Variants in TTL observed in about 807,000 individuals in gnomAD.
TTL encodes the protein tubulin--tyrosine ligase.
A neutral mutation model predicts 41.1 loss-of-function variants in TTL; 10 were observed. The ratio of observed to expected loss-of-function variants is 0.24; its 90% CI spans 0.15 to 0.41. The LOEUF (loss-of-function observed/expected upper bound fraction) is 0.41. Among genes scored for constraint, TTL ranks in the 10% least tolerant of loss-of-function variants. TTL has a pLI of 1.00. For synonymous variants in TTL, 175 were observed against 175.5 expected, an observed-to-expected ratio of 1.00 and a Z score of 0.02; for missense variants, 367 against 460.4, an observed-to-expected ratio of 0.80 and a Z score of 1.86.
intron 5 of TTL, among the ~76,000 whole-genome samples, chr2:112,517,953 C>CT (rs113571938): frequency 0.16 from 24,293 of 147,986 alleles, 2,186 homozygotes; most frequent in East Asian, 0.29. Context: ...CTGTCTCCTG[C>CT]TTTTTTTTTG....
Position 112,528,985 on chromosome 2 carries a change from A to G in TTL, c.*190A>G, listed in dbSNP as rs1561265. On this transcript the variant is annotated 3_prime_UTR_variant, in exon 7 of 7. Coordinates refer to ENST00000233336, the MANE Select transcript of TTL (RefSeq NM_153712.5). ...GAGGGCTGCTCAGGGGGCTTCCCAG[A>G]TGTAGCTCTCAGCAGTGCTGTTGAG... The G allele has an allele frequency of 0.99, 600,450 of 608,620 alleles. 296,353 individuals carry two copies. The highest frequency in any genetic ancestry group is 1 in the East Asian group (36,308 of 36,316). The allele number at this position is 608,620 out of a possible 1,614,324, so 37.7% of individuals were successfully genotyped here. A position where few individuals can be genotyped will look rare whatever the true frequency, so the allele number is the denominator to read the frequency against.
intron 2 of TTL, among the ~76,000 whole-genome samples, chr2:112,492,859 C>G (rs941280815): frequency 6.6e-6 from 1 of 151,812 alleles, no homozygotes; most frequent in African/African-American, 2.4e-5. Flanking sequence ...CCACTGCACT[C>G]CAGCCTGGGA....
chr2:112,540,613 T>C lies in TTL; in HGVS notation c.*11818T>C, dbSNP rs1428969892. ...CAAATCTGTGTAGTTTGTAGACAGA[T>C]ATACAGATAAATGTAGATAGACATA... On this transcript the variant is annotated 3_prime_UTR_variant, in exon 7 of 7. Coordinates refer to ENST00000233336, the MANE Select transcript of TTL (RefSeq NM_153712.5). 1 of 152,188 alleles carries C rather than the reference T, an allele frequency of 6.6e-6. No individual in the cohort carries two copies. Among genetic ancestry groups the C allele is most frequent in the Non-Finnish European group, 1.5e-5 (1 of 68,030 alleles). 9.4% of individuals were successfully genotyped at this position (152,188 alleles called of 1,614,324 possible).
At position 112,513,065 on chromosome 2, in the gene TTL, A is replaced by C. The variant is rs1183355446; in HGVS notation, c.876-7217A>C. Among the ~76,000 whole-genome samples the C allele has an allele frequency of 4.6e-5, 7 of 152,066 alleles. No homozygotes were observed. The East Asian group carries it at 1.4e-3, about 29-fold the overall frequency. On this transcript the variant is annotated intron_variant, in intron 5 of 6. Transcript: ENST00000233336. ...GTTTACCACTTCAAATAAAATGCAA[A>C]AACCTTATAACATAGTTCACTAACT...
intron 6 of TTL, chr2:112,521,179 G>A (rs1004631044): frequency 5.1e-6 from 5 of 985,180 alleles, no homozygotes; most frequent in Non-Finnish European, 6.0e-6. Context: ...TCCAAAAGAG[G>A]TGCAGCGTCC....
In TTL at chr2:112,484,939, C is replaced by CT. The variant is rs542917865; in HGVS notation, c.158-978_158-977insT. Among the ~76,000 whole-genome samples, 282 of 152,254 alleles carry CT rather than the reference C, an allele frequency of 1.9e-3. 1 individual carries two copies. Among genetic ancestry groups the CT allele is most frequent in the African/African-American group, 6.5e-3 (269 of 41,554 alleles). On this transcript the variant is annotated intron_variant, in intron 1 of 6. Transcript: ENST00000233336. ...CAGTGTGTTTTATTAAGATTTGAAA[C>CT]AAAACATTTTTTATTTTATTTTATT...
intron 3 of TTL, among the ~76,000 whole-genome samples, chr2:112,498,699 T>A (rs952324367): frequency 1.3e-5 from 2 of 151,524 alleles, no homozygotes; most frequent in South Asian, 2.1e-4. Context: ...AGGTCAGGAG[T>A]TCGAGACCAG....
At chr2:112,498,155 C>A (rs1265018085) in intron 3 of TTL, among the ~76,000 whole-genome samples, 2 of 151,868 alleles carry the variant, frequency 1.3e-5, no homozygotes, top group African/African-American at 4.8e-5. Flanking sequence ...GAAACCCTGT[C>A]TCTATAAAAA....
At chr2:112,523,828 G>T (rs950762557) in intron 6 of TTL, among the ~76,000 whole-genome samples, 5 of 151,766 alleles carry the variant, frequency 3.3e-5, no homozygotes, top group Non-Finnish European at 7.4e-5. Context: ...AAGTTCTAGG[G>T]TACATGTGCA....
At position 112,531,317 on chromosome 2, in the gene TTL, C is replaced by T. The variant is rs1462428317; in HGVS notation, c.*2522C>T. On this transcript the variant is annotated 3_prime_UTR_variant, in exon 7 of 7. Transcript: ENST00000233336. ...GGAGTCATGGTTTATTTGGAAATGT[C>T]AGTTGCAATCATGGTTCTGTCATTT... The T allele has an allele frequency of 2.6e-5, 6 of 227,112 alleles. No homozygotes were observed. The highest frequency in any genetic ancestry group is 5.3e-5 in the Non-Finnish European group (6 of 114,018). 14.1% of individuals were successfully genotyped at this position (227,112 alleles called of 1,614,324 possible). A position where few individuals can be genotyped will look rare whatever the true frequency, so the allele number is the denominator to read the frequency against.
intron 2 of TTL, among the ~76,000 whole-genome samples, chr2:112,487,342 A>C (rs1412861858): frequency 6.6e-6 from 1 of 152,152 alleles, no homozygotes; most frequent in African/African-American, 2.4e-5. Flanking sequence ...TCATTTTGTG[A>C]CATGTTTGTA....
chr2:112,493,718 C>A, intron 2 of TTL, among the ~76,000 whole-genome samples: 1 of 152,214 alleles, frequency 6.6e-6, no homozygotes, highest in East Asian at 1.9e-4. Flanking sequence ...CAGATTCCTA[C>A]GTAGCCTTTT....
rs1682447008 is a variant in TTL at position 112,529,263 on chromosome 2, A to T, written c.*468A>T. On this transcript the variant is annotated 3_prime_UTR_variant, in exon 7 of 7. Transcript: ENST00000233336. ...CACTCTGCCACACTAAGCTCTGTAC[A>T]AGCATGCACCAACAGTCCTTAGTTT... 3.9e-6 allele frequency: 1 copy of T among 254,736 alleles called. No homozygotes were observed. The highest frequency in any genetic ancestry group is 7.6e-6 in the Non-Finnish European group (1 of 130,824). The allele number at this position is 254,736 out of a possible 1,614,324, so 15.8% of individuals were successfully genotyped here. A position where few individuals can be genotyped will look rare whatever the true frequency, so the allele number is the denominator to read the frequency against.
At chr2:112,528,619 C>G in intron 6 of TTL, 62 bp from the exon 7 acceptor site, 1 of 1,412,734 alleles carries the variant, frequency 7.1e-7, no homozygotes, top group Non-Finnish European at 1.0e-6. Flanking sequence ...CAAAAAACAT[C>G]TATTTTTTTT....
intron 2 of TTL, 80 bp from the exon 3 acceptor site, chr2:112,494,061 CTG>C: frequency 9.3e-7 from 1 of 1,072,550 alleles, no homozygotes; most frequent in Non-Finnish European, 1.4e-6. Flanking sequence ...CGGAAAGTCT[CTG>C]GGGGAAAGGA....
chr2:112,487,622 A>ACC (rs1681274624), intron 2 of TTL, among the ~76,000 whole-genome samples: 1 of 152,216 alleles, frequency 6.6e-6, no homozygotes, highest in Non-Finnish European at 1.5e-5. Context: ...CTTGGAGAGC[A>ACC]CCACTCAGAA....
chr2:112,487,080 C>T (rs1681260236), intron 2 of TTL, among the ~76,000 whole-genome samples: 1 of 152,188 alleles, frequency 6.6e-6, no homozygotes, highest in South Asian at 2.1e-4. Flanking sequence ...CGTGGGCCTC[C>T]AGTATTCTTT....
chr2:112,509,503 G>GAT (rs750232135), intron 5 of TTL, among the ~76,000 whole-genome samples: 1 of 152,234 alleles, frequency 6.6e-6, no homozygotes, highest in Non-Finnish European at 1.5e-5. Flanking sequence ...CCAGGTGTGG[G>GAT]ATATAATCTC....
chr2:112,516,986 A>G (rs1344508601), intron 5 of TTL, among the ~76,000 whole-genome samples: 1 of 152,104 alleles, frequency 6.6e-6, no homozygotes, highest in Non-Finnish European at 1.5e-5. Flanking sequence ...ATTGCTGTTC[A>G]GAGTGTTGCT....
Sources: allele counts gnomAD v4.1 joint callset (sites outside exome capture counted in the v4.1 genomes callset), GRCh38; gene constraint gnomAD v4.1.1; transcripts MANE v1.5; gene names NCBI Gene and HGNC (gene_info 2026-07-23, HGNC 2026-07-21).